RARB: variants seen among roughly 807,000 people sequenced by gnomAD.
The protein encoded by RARB is HBV-activated protein.
Under a neutral mutation model 51.9 loss-of-function variants are expected in RARB, and 17 were observed. The ratio of observed to expected loss-of-function variants is 0.33; its 90% confidence interval spans 0.22 to 0.49. RARB has a LOEUF of 0.49. Among genes scored for constraint, RARB ranks in the 20% least tolerant of loss-of-function variants. The probability of loss-of-function intolerance (pLI) is 0.99; values close to 1 mark genes in which losing one functional copy is unlikely to be tolerated. For synonymous variants in RARB, 215 were observed against 195.4 expected (o/e 1.10, Z -0.84); for missense variants, 369 against 550.8 (o/e 0.67, Z 3.30).
At chr3:25,530,929 CT>C (rs1698873455) in intron 3 of RARB, among the ~76,000 whole-genome samples, 1 of 152,154 alleles carries the variant, frequency 6.6e-6, no homozygotes, top group Non-Finnish European at 1.5e-5. Flanking sequence ...ATCATATGGA[CT>C]TACGTTTTAA....
chr3:25,115,750 C>A (rs1156233599), intron 3 of RARB, among the ~76,000 whole-genome samples: 1 of 151,800 alleles, frequency 6.6e-6, no homozygotes. Flanking sequence ...CAGCCTCAAG[C>A]TCCTGGGCTC....
At chr3:25,123,047 A>G (rs1369459903) in intron 3 of RARB, among the ~76,000 whole-genome samples, 1 of 152,010 alleles carries the variant, frequency 6.6e-6, no homozygotes, top group Admixed American at 6.6e-5. Context: ...ATGAATGGCA[A>G]CAATTCAATT....
intron 4 of RARB, among the ~76,000 whole-genome samples, chr3:25,139,605 A>G (rs1461374105): frequency 6.6e-6 from 1 of 152,162 alleles, no homozygotes; most frequent in Admixed American, 6.5e-5. Context: ...CCATAACATA[A>G]AAGTTCAAGG....
At chr3:25,064,615 T>C (rs1261103927) in intron 3 of RARB, among the ~76,000 whole-genome samples, 1 of 152,108 alleles carries the variant, frequency 6.6e-6, no homozygotes, top group Non-Finnish European at 1.5e-5. Flanking sequence ...TTGTGAAATG[T>C]AGTTAGGGAA....
intron 5 of RARB, among the ~76,000 whole-genome samples, chr3:25,331,573 G>A (rs1031606140): frequency 1.3e-5 from 2 of 152,100 alleles, no homozygotes; most frequent in African/African-American, 2.4e-5. Flanking sequence ...AGAGAAAGCA[G>A]GAAAGATCTA....
chr3:25,251,876 T>C (rs1322835590), intron 5 of RARB, among the ~76,000 whole-genome samples: 10 of 152,168 alleles, frequency 6.6e-5, no homozygotes, highest in Non-Finnish European at 5.9e-5. Context: ...AAAAGTGCAA[T>C]TTATCAAATT....
At chr3:24,944,447 G>A (rs192565366) in intron 2 of RARB, among the ~76,000 whole-genome samples, 7 of 152,196 alleles carry the variant, frequency 4.6e-5, no homozygotes, top group South Asian at 2.1e-4. Flanking sequence ...CCATACTGGC[G>A]TGTTCTTAGG....
At chr3:25,404,658 G>T (rs1178736970) in intron 5 of RARB, among the ~76,000 whole-genome samples, 1 of 151,648 alleles carries the variant, frequency 6.6e-6, no homozygotes, top group Non-Finnish European at 1.5e-5. Flanking sequence ...GGAAGCAGGG[G>T]CATGGCGGGG....
chr3:25,152,404 T>TC (rs1700301948), intron 4 of RARB, among the ~76,000 whole-genome samples: 1 of 152,268 alleles, frequency 6.6e-6, no homozygotes, highest in East Asian at 1.9e-4. Context: ...TCTTCTTGGG[T>TC]CCAAAGAGGG....
intron 2 of RARB, among the ~76,000 whole-genome samples, chr3:25,006,676 C>T (rs1345338115): frequency 6.6e-6 from 1 of 152,090 alleles, no homozygotes; most frequent in Non-Finnish European, 1.5e-5. Flanking sequence ...AGGTCTATTA[C>T]AAACGTTGTT....
chr3:24,910,402 A>C (rs1559392538), intron 2 of RARB, among the ~76,000 whole-genome samples: 1 of 152,210 alleles, frequency 6.6e-6, no homozygotes, highest in Non-Finnish European at 1.5e-5. Flanking sequence ...CATCTCATTT[A>C]AGGTAAATAA....
intron 5 of RARB, among the ~76,000 whole-genome samples, chr3:25,321,367 C>T (rs949170164): frequency 6.6e-5 from 10 of 151,644 alleles, no homozygotes; most frequent in Non-Finnish European, 1.5e-4. Context: ...TTTTGTTGAC[C>T]AAAAAATTTA....
chr3:25,047,369 A>T (rs1374230990), intron 2 of RARB, among the ~76,000 whole-genome samples: 8 of 151,652 alleles, frequency 5.3e-5, no homozygotes, highest in Non-Finnish European at 8.9e-5. Flanking sequence ...CCCATCAGGT[A>T]CTTATGTAAT....
chr3:25,090,582 A>T (rs1286140408), intron 3 of RARB, among the ~76,000 whole-genome samples: 1 of 152,096 alleles, frequency 6.6e-6, no homozygotes. Context: ...TATAATGTAG[A>T]TGTTGTAGCC....
chr3:25,512,604 C>T (rs1360665414), intron 3 of RARB, among the ~76,000 whole-genome samples: 1 of 152,230 alleles, frequency 6.6e-6, no homozygotes, highest in Non-Finnish European at 1.5e-5. Flanking sequence ...TTAGGCGGTG[C>T]CTGCTGTTCT....
intron 3 of RARB, among the ~76,000 whole-genome samples, chr3:25,088,112 G>A (rs1699134072): frequency 1.3e-5 from 2 of 151,888 alleles, no homozygotes; most frequent in Non-Finnish European, 2.9e-5. Flanking sequence ...TTTCACAGTA[G>A]GGATCTAAGG....
chr3:25,527,344 G>A (rs1188562366), intron 3 of RARB, among the ~76,000 whole-genome samples: 1 of 152,236 alleles, frequency 6.6e-6, no homozygotes, highest in East Asian at 1.9e-4. Context: ...GCCTTTGTCT[G>A]TGACTCGATT....
intron 1 of RARB, among the ~76,000 whole-genome samples, chr3:25,431,344 G>T (rs1251270438): frequency 6.6e-6 from 1 of 152,042 alleles, no homozygotes; most frequent in Non-Finnish European, 1.5e-5. Flanking sequence ...ACTTTGAAAG[G>T]TGTTAAAATA....
chr3:25,288,354 C>T (rs183631415), intron 5 of RARB, among the ~76,000 whole-genome samples: 3 of 151,610 alleles, frequency 2.0e-5, no homozygotes, highest in East Asian at 3.9e-4. Flanking sequence ...AGCAGTTAAT[C>T]GCTTCTTCTC....
Sources: allele counts gnomAD v4.1 joint callset (sites outside exome capture counted in the v4.1 genomes callset), GRCh38; gene constraint gnomAD v4.1.1; transcripts MANE v1.5; gene names NCBI Gene and HGNC (gene_info 2026-07-23, HGNC 2026-07-21).